Variants in ADAMTS6 observed in about 807,000 individuals in gnomAD.
ADAMTS6 encodes ADAM metallopeptidase with thrombospondin type 1 motif 6.
ADAMTS6 carries 23 observed loss-of-function variants against 144.3 expected under a neutral mutation model. That is an observed-to-expected ratio of 0.16 (90% CI 0.11 to 0.23). The LOEUF (loss-of-function observed/expected upper bound fraction) is 0.23. ADAMTS6 is among the 10% of genes least tolerant of loss of function. The probability of loss-of-function intolerance (pLI) is 1.00; values close to 1 mark genes in which losing one functional copy is unlikely to be tolerated. For missense variants in ADAMTS6, 999 were observed against 1,379.6 expected, an observed-to-expected ratio of 0.72 and a Z score of 4.37; for synonymous variants, 444 against 457.5, an observed-to-expected ratio of 0.97 and a Z score of 0.38.
intron 7 of ADAMTS6, among the ~76,000 whole-genome samples, chr5:65,442,799 A>C (rs1043492898): frequency 5.3e-5 from 8 of 152,130 alleles, no homozygotes; most frequent in African/African-American, 1.9e-4. Flanking sequence ...CCCAGCATGC[A>C]TCAGCTCTTT....
Position 65,226,218 on chromosome 5 carries a change from A to G in ADAMTS6, c.1935T>C (p.Gly645=). The change falls in exon 16 of 25, where the codon GGT becomes GGC. Residue 645 remains glycine, a splice_region_variant and synonymous_variant. Coordinates refer to ENST00000381055, the MANE Select transcript of ADAMTS6 (RefSeq NM_197941.4). ...AGTTTAATGCACAAGGTTTTACCCC[A>G]CCTGGACAAATACAGTAGAAGAGAA... ...KYYNWKPYTG[G]GVKPCALNCL... 1 of 1,613,058 alleles carries G rather than the reference A, an allele frequency of 6.2e-7. No homozygotes were observed. The highest frequency in any genetic ancestry group is 8.5e-7 in the Non-Finnish European group (1 of 1,179,364).
intron 13 of ADAMTS6, among the ~76,000 whole-genome samples, chr5:65,261,852 A>C (rs776982470): frequency 3.3e-5 from 5 of 152,212 alleles, no homozygotes; most frequent in Non-Finnish European, 7.3e-5. Context: ...AAAAGAAAAA[A>C]GACAGTTGGA....
intron 20 of ADAMTS6, among the ~76,000 whole-genome samples, chr5:65,211,594 T>G (rs1384124474): frequency 1.3e-5 from 2 of 151,910 alleles, no homozygotes; most frequent in Non-Finnish European, 2.9e-5. Context: ...AGGGTGAGAC[T>G]CTGTCTCAAA....
chr5:65,284,398 T>C lies in ADAMTS6; in HGVS notation c.1512+6931A>G, dbSNP rs558041477. Among the ~76,000 whole-genome samples, 25 of 152,178 alleles carry C rather than the reference T, an allele frequency of 1.6e-4. 1 individual carries two copies. The South Asian group carries it at 5.0e-3, about 30-fold the overall frequency. On this transcript the variant is annotated intron_variant, in intron 11 of 24. Coordinates refer to ENST00000381055, the MANE Select transcript of ADAMTS6 (RefSeq NM_197941.4). ...AGAAAATAATCTATGCACTACCCCA[T>C]ATTTTTATTCAAGGCTTACTGAATA...
At chr5:65,221,218 C>G (rs1222962286) in intron 18 of ADAMTS6, among the ~76,000 whole-genome samples, 1 of 152,174 alleles carries the variant, frequency 6.6e-6, no homozygotes, top group African/African-American at 2.4e-5. Flanking sequence ...AAATATCTCT[C>G]ATGAACATAG....
rs543724702 is a variant in ADAMTS6, at chr5:65,207,112, C to G, written c.2575+7682G>C. Among the ~76,000 whole-genome samples the G allele has an allele frequency of 4.6e-5, 7 of 152,262 alleles. No homozygotes were observed. In the South Asian group the frequency reaches 1.5e-3, roughly 32 times the overall value. On this transcript the variant is annotated intron_variant, in intron 20 of 24. Transcript: ENST00000381055. The stretch of plus-strand genomic sequence containing the variant: ...CAAACAAAACAAAAAATATCTCTAA[C>G]AGTAAACTGTCTCCTTCCTAACTCC...
chr5:65,167,597 C>T (rs1374891796), intron 24 of ADAMTS6, among the ~76,000 whole-genome samples: 2 of 132,220 alleles, frequency 1.5e-5, no homozygotes, highest in African/African-American at 5.7e-5. Context: ...GAATTTTAGA[C>T]CAATATCCTT....
intron 22 of ADAMTS6, among the ~76,000 whole-genome samples, chr5:65,185,292 G>A (rs757862072): frequency 1.9e-4 from 29 of 152,164 alleles, no homozygotes; most frequent in Non-Finnish European, 3.5e-4. Flanking sequence ...TAATGGAAGC[G>A]TGAGAGTAAA....
chr5:65,458,220 G>T (rs368860411), intron 4 of ADAMTS6, among the ~76,000 whole-genome samples: 3 of 151,832 alleles, frequency 2.0e-5, no homozygotes, highest in Admixed American at 6.6e-5. Context: ...GTCTTTTTCT[G>T]GTACCAACTA....
chr5:65,281,751 T>C (rs541501347), intron 11 of ADAMTS6, among the ~76,000 whole-genome samples: 2 of 152,272 alleles, frequency 1.3e-5, no homozygotes, highest in Middle Eastern at 3.4e-3. Flanking sequence ...AACAGTTTTA[T>C]GGTAATCATC....
In ADAMTS6 at chr5:65,419,995, T is replaced by A. The variant is rs778689218; in HGVS notation, c.1073+31480A>T. Among the ~76,000 whole-genome samples, 10 of 152,286 alleles carry A rather than the reference T, an allele frequency of 6.6e-5. No individual in the cohort carries two copies. In the South Asian group the frequency reaches 1.9e-3, roughly 28 times the overall value. On this transcript the variant is annotated intron_variant, in intron 7 of 24. Transcript: ENST00000381055. ...GAAATACCCAATACTGGGTAATTTATAACGGAAAGAGGTTTAATTGACTCA... is the reference window on the plus strand; with the variant it reads ...GAAATACCCAATACTGGGTAATTTAAAACGGAAAGAGGTTTAATTGACTCA...
In ADAMTS6 at chr5:65,153,233, C is replaced by T. The variant is rs73761648; in HGVS notation, c.3245-1288G>A. Among the ~76,000 whole-genome samples, 1,408 of 152,298 alleles carry T rather than the reference C, an allele frequency of 9.2e-3. 18 individuals carry two copies. Among genetic ancestry groups the T allele is most frequent in the African/African-American group, 0.032 (1,323 of 41,548 alleles). ...AAAGTCTTAAAATTTGAAACTGGAACTCCCAAATCCACTGAAAACATCTCT... is the reference window on the plus strand; with the variant it reads ...AAAGTCTTAAAATTTGAAACTGGAATTCCCAAATCCACTGAAAACATCTCT... On this transcript the variant is annotated intron_variant, in intron 24 of 24. Transcript: ENST00000381055.
intron 7 of ADAMTS6, among the ~76,000 whole-genome samples, chr5:65,398,854 G>T (rs536896310): frequency 6.7e-6 from 1 of 149,508 alleles, no homozygotes; most frequent in African/African-American, 2.5e-5. Context: ...GAAAGAAAAA[G>T]AAAGAGAAAG....
chr5:65,413,746 A>G (rs1396268510), intron 7 of ADAMTS6, among the ~76,000 whole-genome samples: 1 of 152,170 alleles, frequency 6.6e-6, no homozygotes, highest in East Asian at 1.9e-4. Context: ...AATAAAATAT[A>G]CATGTTATAT....
intron 9 of ADAMTS6, among the ~76,000 whole-genome samples, chr5:65,314,651 A>G (rs1432043044): frequency 2.6e-5 from 4 of 152,190 alleles, no homozygotes; most frequent in Admixed American, 2.6e-4. Context: ...GAAAGAATAC[A>G]GAGAAAAAAT....
intron 20 of ADAMTS6, chr5:65,210,704 AC>A: frequency 1.5e-6 from 1 of 647,568 alleles, no homozygotes; most frequent in Non-Finnish European, 2.9e-6. Flanking sequence ...GTGGAAGTAC[AC>A]CAGAAGCACA....
At chr5:65,210,824 T>A in intron 20 of ADAMTS6, 1 of 451,506 alleles carries the variant, frequency 2.2e-6, no homozygotes, top group Admixed American at 2.7e-5. Flanking sequence ...ACTCCAGACA[T>A]GATGGGGAAG....
chr5:65,257,653 A>G (rs28739355), intron 14 of ADAMTS6, among the ~76,000 whole-genome samples: 16,432 of 152,256 alleles, frequency 0.11, 1,189 homozygotes, highest in African/African-American at 0.19. Flanking sequence ...CAAATGTCCC[A>G]AGATAAAGAT....
intron 12 of ADAMTS6, 139 bp downstream of exon 12, chr5:65,273,197 CAATT>C (rs1232459013): frequency 1.4e-6 from 1 of 707,008 alleles, no homozygotes; most frequent in Admixed American, 2.3e-5. Flanking sequence ...CAAGGTATGA[CAATT>C]AACCTATTGT....
Sources: gnomAD v4.1 joint callset for allele counts (sites outside exome capture counted in the v4.1 genomes callset) on GRCh38, gnomAD v4.1.1 for gene constraint, MANE v1.5 for transcripts, NCBI Gene and HGNC (gene_info 2026-07-23, HGNC 2026-07-21) for gene names.